VPS13A: variants seen among roughly 807,000 people sequenced by gnomAD.
VPS13A encodes vacuolar protein sorting 13 homolog A, also known as intermembrane lipid transfer protein VPS13A.
A neutral mutation model predicts 390.9 loss-of-function variants in VPS13A; 264 were observed. The ratio of observed to expected loss-of-function variants is 0.68; its 90% CI spans 0.61 to 0.75. The LOEUF (loss-of-function observed/expected upper bound fraction) is 0.75, where lower values mean the gene tolerates loss of function less well. Among genes scored for constraint, VPS13A ranks in the 30% least tolerant of loss-of-function variants. VPS13A has a pLI of 0.00. For missense variants in VPS13A, 3,409 were observed against 3,733.9 expected (o/e 0.91, Z 2.27); for synonymous variants, 1,231 against 1,227.1 (o/e 1.00, Z -0.07).
intron 26 of VPS13A, among the ~76,000 whole-genome samples, chr9:77,278,576 T>C (rs1826832399): frequency 6.6e-6 from 1 of 152,204 alleles, no homozygotes; most frequent in Non-Finnish European, 1.5e-5. Context: ...AATGAATAAA[T>C]GTGTAAACAA....
At chr9:77,255,782 G>A (rs1218088509) in intron 22 of VPS13A, among the ~76,000 whole-genome samples, 1 of 151,824 alleles carries the variant, frequency 6.6e-6, no homozygotes, top group Non-Finnish European at 1.5e-5. Context: ...TCCATTTGTT[G>A]GTGTAAAATT....
In VPS13A at chr9:77,275,504, A is replaced by G; in HGVS notation, c.2519A>G (p.Glu840Gly). 6.2e-7 allele frequency: 1 copy of G among 1,613,612 alleles called. No homozygotes were observed. Among genetic ancestry groups the G allele is most frequent in the Admixed American group, 1.7e-5 (1 of 60,012 alleles). Residue 840 changes from glutamate (E) to glycine (G), a missense_variant, in exon 25 of 72, where the codon GAG becomes GGG. Glu to Gly is a moderately conservative substitution (Grantham distance 98). Transcript: ENST00000360280. ...AATGTTCTGTGAAATGTAGATTCAG[A>G]GGAGGAATTTTTTGATGCACCATGT... Reference protein sequence around the residue: ...ELPSVSEDDSEEEFFDAPCSP... With the variant: ...ELPSVSEDDSGEEFFDAPCSP...
chr9:77,302,247 C>G (rs1828414626), intron 33 of VPS13A, among the ~76,000 whole-genome samples: 1 of 152,062 alleles, frequency 6.6e-6, no homozygotes, highest in African/African-American at 2.4e-5. Context: ...CATGAGCCAC[C>G]ACTCCTGGCC....
At chr9:77,211,832 G>A (rs1825989510) in intron 7 of VPS13A, among the ~76,000 whole-genome samples, 1 of 152,148 alleles carries the variant, frequency 6.6e-6, no homozygotes, top group African/African-American at 2.4e-5. Flanking sequence ...GTTTTACAAA[G>A]CCCTCTAGGT....
chr9:77,301,026 G>A (rs1828315278), intron 33 of VPS13A, among the ~76,000 whole-genome samples: 1 of 152,216 alleles, frequency 6.6e-6, no homozygotes, highest in African/African-American at 2.4e-5. Context: ...GATGGAAAAA[G>A]TATAAGGTGC....
intron 52 of VPS13A, 106 bp downstream of exon 52, chr9:77,345,248 G>GTT: frequency 8.0e-7 from 1 of 1,243,442 alleles, no homozygotes; most frequent in Non-Finnish European, 1.2e-6. Context: ...TAATAGCATT[G>GTT]TAGCTGTGTA....
At chr9:77,207,234 T>C (rs1226424093) in intron 5 of VPS13A, among the ~76,000 whole-genome samples, 1 of 100,366 alleles carries the variant, frequency 1.0e-5, no homozygotes, top group Admixed American at 1.2e-4. Context: ...TATATATATA[T>C]ATATATATAT....
At position 77,337,545 on chromosome 9, in the gene VPS13A, C is replaced by T. The variant is rs1283635800; in HGVS notation, c.6378+8C>T. The T allele has an allele frequency of 6.2e-7, 1 of 1,608,680 alleles. No individual in the cohort carries two copies. The highest frequency in any genetic ancestry group is 2.2e-5 in the East Asian group (1 of 44,716). On this transcript the variant is annotated splice_region_variant and intron_variant, in intron 47 of 71. Coordinates refer to ENST00000360280, the MANE Select transcript of VPS13A (RefSeq NM_033305.3). ...ATTGCTTATTATATAGAGGTATCGG[C>T]AAACTGATTTAGTGCCTTCCTGTTT...
intron 26 of VPS13A, among the ~76,000 whole-genome samples, chr9:77,279,283 T>G (rs946343781): frequency 7.9e-5 from 12 of 152,096 alleles, no homozygotes; most frequent in Admixed American, 7.9e-4. Context: ...GAAGGTGGTC[T>G]TCCCCTGAGG....
chr9:77,383,265 T>C (rs1833535539), intron 68 of VPS13A, among the ~76,000 whole-genome samples: 1 of 152,006 alleles, frequency 6.6e-6, no homozygotes, highest in South Asian at 2.1e-4. Flanking sequence ...GTTAAGTGAT[T>C]TTATACTGTA....
intron 1 of VPS13A, among the ~76,000 whole-genome samples, chr9:77,180,750 G>T (rs1453510375): frequency 6.6e-6 from 1 of 152,086 alleles, no homozygotes; most frequent in Non-Finnish European, 1.5e-5. Flanking sequence ...ACTTAATATT[G>T]TGTGGCTTTA....
intron 34 of VPS13A, chr9:77,305,586 G>A: frequency 4.9e-6 from 1 of 206,064 alleles, no homozygotes; most frequent in Non-Finnish European, 1.0e-5. Flanking sequence ...TCCTGGTGAT[G>A]CTGCCAACAA....
At chr9:77,401,210 C>T (rs1401127765) in intron 68 of VPS13A, among the ~76,000 whole-genome samples, 1 of 152,064 alleles carries the variant, frequency 6.6e-6, no homozygotes, top group African/African-American at 2.4e-5. Context: ...ATTCTTCTTT[C>T]ATAATTTACT....
Position 77,307,950 on chromosome 9 carries a change from T to G in VPS13A, c.3966T>G (p.Ile1322Met). The G allele has an allele frequency of 1.3e-6, 2 of 1,588,156 alleles. No individual in the cohort carries two copies. The highest frequency in any genetic ancestry group is 8.6e-7 in the Non-Finnish European group (1 of 1,156,634). The change falls in exon 35 of 72, where the codon ATT becomes ATG. Residue 1322 changes from isoleucine to methionine, a missense_variant. By Grantham distance (10) the Ile-to-Met change is conservative. This residue lies in a region of VPS13A where 2,717 missense variants were observed against 2,917.4 expected (regional missense o/e 0.93). Transcript: ENST00000360280. ...AAATCTTTTTTTTTTAACAGTTCAT[T>G]CTTAGTCAAGAAGATATAACAACTA... ...VNAQLKPMEF[I>M]LSQEDITTIF...
intron 4 of VPS13A, among the ~76,000 whole-genome samples, chr9:77,205,712 C>G (rs529682325): frequency 6.6e-6 from 1 of 151,964 alleles, no homozygotes; most frequent in East Asian, 1.9e-4. Flanking sequence ...CTGCCTCAGC[C>G]TCCTGAGTAG....
In VPS13A at chr9:77,209,406, A is replaced by C. The variant is rs1468902392; in HGVS notation, c.386-17A>C. Reference sequence around the variant, plus strand: ...ATTTTTCATTCAATTTTAAAAAAGGAATATTTGCAATTGTAGAACAACATC... The same window carrying C: ...ATTTTTCATTCAATTTTAAAAAAGGCATATTTGCAATTGTAGAACAACATC... On this transcript the variant is annotated splice_polypyrimidine_tract_variant and intron_variant, in intron 5 of 71. Transcript: ENST00000360280. 7.8e-6 allele frequency: 12 copies of C among 1,546,206 alleles called. No individual in the cohort carries two copies. Among genetic ancestry groups the C allele is most frequent in the Non-Finnish European group, 1.1e-5 (12 of 1,120,040 alleles).
At chr9:77,341,242 A>G (rs1418946223) in intron 50 of VPS13A, among the ~76,000 whole-genome samples, 2 of 152,074 alleles carry the variant, frequency 1.3e-5, no homozygotes, top group African/African-American at 4.8e-5. Flanking sequence ...ATCGGGATAT[A>G]AACCCAGGCG....
intron 17 of VPS13A, 150 bp from the exon 18 acceptor site, chr9:77,237,852 G>T: frequency 3.2e-6 from 2 of 619,804 alleles, no homozygotes; most frequent in Non-Finnish European, 2.8e-6. Context: ...CAATTTAGAG[G>T]AATCATTGTA....
intron 34 of VPS13A, among the ~76,000 whole-genome samples, chr9:77,306,964 T>C (rs1340525160): frequency 6.6e-6 from 1 of 150,590 alleles, no homozygotes; most frequent in Non-Finnish European, 1.5e-5. Flanking sequence ...TGGAGGGCAG[T>C]GGCGCGATCT....
Sources: gnomAD v4.1 joint callset for allele counts (sites outside exome capture counted in the v4.1 genomes callset) on GRCh38, gnomAD v4.1.1 for gene constraint, gnomAD v4.1.1 regional missense constraint, MANE v1.5 for transcripts, NCBI Gene and HGNC (gene_info 2026-07-23, HGNC 2026-07-21) for gene names.